The following ITSN2 variants were observed in gnomAD, a reference collection of about 807,000 sequenced individuals.
ITSN2 encodes intersectin-2.
Under a neutral mutation model 243.7 loss-of-function variants are expected in ITSN2, and 156 were observed. The observed-to-expected ratio is 0.64, with a 90% CI of 0.56 to 0.73. The LOEUF is 0.73. Among genes scored for constraint, ITSN2 ranks in the 30% least tolerant of loss-of-function variants. ITSN2 has a pLI of 0.00. For synonymous variants in ITSN2, 703 were observed against 699.9 expected (o/e 1.00, Z -0.07); for missense variants, 1,801 against 1,996.1 (o/e 0.90, Z 1.86).
intron 2 of ITSN2, among the ~76,000 whole-genome samples, chr2:24,318,975 G>A (rs542551758): frequency 3.3e-5 from 5 of 152,174 alleles, no homozygotes; most frequent in Admixed American, 3.3e-4. Context: ...CTGTGTGTGT[G>A]AGGGATCTGG....
At position 24,221,366 on chromosome 2, in the gene ITSN2, C is replaced by T. The variant is rs746466443; in HGVS notation, c.3578-300G>A. 2.7e-5 allele frequency: 8 copies of T among 291,350 alleles called. No individual in the cohort carries two copies. The East Asian group carries it at 4.1e-4, about 15-fold the overall frequency. The allele number at this position is 291,350 out of a possible 1,614,324, so 18.0% of individuals were successfully genotyped here. A position where few individuals can be genotyped will look rare whatever the true frequency, so the allele number is the denominator to read the frequency against. On this transcript the variant is annotated intron_variant, in intron 29 of 39. Transcript: ENST00000355123. ...AATCTCACCACCTCAAGACATTTTT[C>T]GAAGTTACTGAAATGATTAAATGAA...
At chr2:24,302,884 G>A (rs368958664) in intron 9 of ITSN2, among the ~76,000 whole-genome samples, 1 of 152,108 alleles carries the variant, frequency 6.6e-6, no homozygotes. Context: ...AGTCAACAAT[G>A]GACTGCATTT....
chr2:24,246,101 G>C, intron 29 of ITSN2, 28 bp downstream of exon 29: 3 of 1,520,254 alleles, frequency 2.0e-6, no homozygotes, highest in African/African-American at 2.8e-5. Context: ...CACACTAGGT[G>C]AGAGAAAAAT....
chr2:24,334,840 G>A, intron 1 of ITSN2: 2 of 745,750 alleles, frequency 2.7e-6, no homozygotes, highest in South Asian at 1.5e-5. Context: ...GAGGCGGGCG[G>A]ATCACGAGGT....
chr2:24,358,571 ACT>A (rs1688668945), intron 1 of ITSN2, among the ~76,000 whole-genome samples: 1 of 152,166 alleles, frequency 6.6e-6, no homozygotes, highest in Admixed American at 6.5e-5. Context: ...AATTTGTGAA[ACT>A]CTACATTAAA....
chr2:24,270,682 C>A lies in ITSN2; in HGVS notation c.2344G>T (p.Asp782Tyr). 1 of 1,559,724 alleles carries A rather than the reference C, an allele frequency of 6.4e-7. No individual in the cohort carries two copies. Among genetic ancestry groups the A allele is most frequent in the Non-Finnish European group, 8.8e-7 (1 of 1,135,120 alleles). The part of the protein sequence containing the change: ...NHDEMSFNSG[D>Y]IIQVDEKTVG... The stretch of plus-strand genomic sequence containing the variant: ...AATTCATTTCCTACCTGAATTATAT[C>A]TCCAGAATTAAAACTCATCTCATCA... Residue 782 changes from aspartate (D) to tyrosine (Y), a missense_variant, in exon 20 of 40, where the codon GAT becomes TAT. Physicochemically the swap from Asp to Tyr is radical, Grantham distance 160. Around this residue, in one of 5 missense-constraint regions of ITSN2, gnomAD observed 787 missense variants for 803.9 expected, o/e 0.98. Transcript: ENST00000355123.
chr2:24,271,963 T>C, intron 18 of ITSN2, 22 bp from the exon 19 acceptor site: 1 of 1,472,908 alleles, frequency 6.8e-7, no homozygotes, highest in Non-Finnish European at 9.1e-7. Context: ...AGAAAAAGAG[T>C]TTGTATAATG....
At chr2:24,227,770 T>A (rs1254403398) in intron 29 of ITSN2, among the ~76,000 whole-genome samples, 1 of 151,880 alleles carries the variant, frequency 6.6e-6, no homozygotes, top group Non-Finnish European at 1.5e-5. Context: ...ATACAAAAAA[T>A]TAGCGGGGCA....
intron 1 of ITSN2, among the ~76,000 whole-genome samples, chr2:24,339,059 T>G (rs1417857545): frequency 6.6e-6 from 1 of 152,026 alleles, no homozygotes; most frequent in Non-Finnish European, 1.5e-5. Flanking sequence ...AGAAAGGAAG[T>G]TTCTGAGCCT....
intron 29 of ITSN2, chr2:24,240,506 T>G (rs537395626): frequency 2.0e-5 from 3 of 152,320 alleles, no homozygotes; most frequent in East Asian, 3.9e-4. Context: ...AATAATGTGA[T>G]GTATTTTGGA....
intron 1 of ITSN2, among the ~76,000 whole-genome samples, chr2:24,340,327 A>G (rs559148494): frequency 6.6e-6 from 1 of 152,046 alleles, no homozygotes; most frequent in Non-Finnish European, 1.5e-5. Context: ...CTAAAAATAC[A>G]AAAATTAGCC....
rs1446278413 is a variant in ITSN2 at position 24,204,200 on chromosome 2, G to T, written c.4936+45C>A. ...CCCTAGATCTGGACTCCAGGATCTA[G>T]GAAACTGGGAAAGCCTTTAGATCCC... On this transcript the variant is annotated intron_variant, in intron 39 of 39. Transcript: ENST00000355123. This position sits in a 1 kb window ranked among gnomAD's most constrained non-coding sequence, Gnocchi z 5.1. The T allele has an allele frequency of 1.2e-6, 2 of 1,600,520 alleles. No individual in the cohort carries two copies. Among genetic ancestry groups the T allele is most frequent in the South Asian group, 1.1e-5 (1 of 90,540 alleles).
chr2:24,220,629 T>C lies in ITSN2; in HGVS notation c.3699+316A>G, dbSNP rs1670351689. On this transcript the variant is annotated intron_variant, in intron 30 of 39. Coordinates refer to ENST00000355123, the MANE Select transcript of ITSN2 (RefSeq NM_006277.3). Reference sequence around the variant, plus strand: ...TGCCATAGGCCCTTCCCATCCACTCTATCCCCGTCCTTCCTTGATGGGGCT... The same window carrying C: ...TGCCATAGGCCCTTCCCATCCACTCCATCCCCGTCCTTCCTTGATGGGGCT... 4.1e-6 allele frequency: 5 copies of C among 1,219,168 alleles called. No individual in the cohort carries two copies. The South Asian group carries it at 1.6e-4, about 38-fold the overall frequency. The allele number at this position is 1,219,168 out of a possible 1,614,324, so 75.5% of individuals were successfully genotyped here. A position where few individuals can be genotyped will look rare whatever the true frequency, so the allele number is the denominator to read the frequency against.
At chr2:24,301,046 T>C (rs1681657838) in intron 11 of ITSN2, 108 bp downstream of exon 11, 2 of 601,000 alleles carry the variant, frequency 3.3e-6, no homozygotes, top group Non-Finnish European at 5.7e-6. Flanking sequence ...TTTTCTCATA[T>C]AGCACATCAA....
Position 24,211,237 on chromosome 2 carries a change from C to T in ITSN2, c.4090-290G>A, listed in dbSNP as rs1558429686. The stretch of plus-strand genomic sequence containing the variant: ...TCTCCGACTGGCTCCCGGTAATAGG[C>T]GGGAGCCTCCCGACTCCTTCCGAAA... On this transcript the variant is annotated intron_variant, in intron 33 of 39. Transcript: ENST00000355123. This position sits in a 1 kb window ranked among gnomAD's most constrained non-coding sequence, Gnocchi z 4.1. Among the ~76,000 whole-genome samples the T allele has an allele frequency of 2.0e-5, 3 of 152,148 alleles. No individual in the cohort carries two copies. Among genetic ancestry groups the T allele is most frequent in the South Asian group, 4.1e-4 (2 of 4,832 alleles).
In ITSN2 at chr2:24,209,122, G is replaced by A. The variant is rs761779658; in HGVS notation, c.4573C>T (p.Arg1525Ter). The A allele has an allele frequency of 6.2e-6, 10 of 1,613,962 alleles. No homozygotes were observed. In the Admixed American group the frequency reaches 8.3e-5, roughly 13 times the overall value. ...ISHIDRVYTL[R>*]TDNINERTAW... ...GACCTCTCATTAATGTTGTCTGTTC[G>A]GAGGGTGTAGACCCGATCAATGTGG... The change falls in exon 36 of 40, where the codon CGA becomes TGA. Residue 1525 changes from arginine to a stop codon, truncating the protein, a stop_gained. Transcript: ENST00000355123. LOFTEE classifies it high-confidence loss of function.
At position 24,204,697 on chromosome 2, in the gene ITSN2, A is replaced by G. The variant is rs1558417730; in HGVS notation, c.4763-279T>C. 3.5e-6 allele frequency: 2 copies of G among 579,246 alleles called. No individual in the cohort carries two copies. Among genetic ancestry groups the G allele is most frequent in the Non-Finnish European group, 6.5e-6 (2 of 306,614 alleles). The allele number at this position is 579,246 out of a possible 1,614,324, so 35.9% of individuals were successfully genotyped here. A position where few individuals can be genotyped will look rare whatever the true frequency, so the allele number is the denominator to read the frequency against. ...GGTGAGTGTCACTGCAACCTGCTGC[A>G]TGCTTCCTCGGCGCAGACACACTCG... is the stretch of plus-strand genomic sequence containing the variant. On this transcript the variant is annotated intron_variant, in intron 38 of 39. Coordinates refer to ENST00000355123, the MANE Select transcript of ITSN2 (RefSeq NM_006277.3). The surrounding 1 kb of genome is among the most constrained non-coding windows in gnomAD (Gnocchi z 5.1).
Position 24,208,273 on chromosome 2 carries a change from C to T in ITSN2, c.4642G>A (p.Asp1548Asn), listed in dbSNP as rs370396104. The T allele has an allele frequency of 4.0e-5, 65 of 1,611,536 alleles. No homozygotes were observed. The highest frequency in any genetic ancestry group is 5.5e-5 in the South Asian group (5 of 90,944). ...KIKAASEQYI[D>N]TEKKKREKAY... ...TTCTCACGCTTCTTCTTCTCGGTGT[C>T]GATGTACTGCTCAGACGCCGCCTTG... Residue 1548 changes from aspartate (D) to asparagine (N), a missense_variant, in exon 37 of 40, where the codon GAC (aspartate) becomes AAC (asparagine). Physicochemically the swap from Asp to Asn is conservative, Grantham distance 23. Transcript: ENST00000355123.
chr2:24,334,619 G>A, intron 1 of ITSN2: 6 of 1,175,272 alleles, frequency 5.1e-6, no homozygotes, highest in South Asian at 4.8e-5. Context: ...TGTATGCCCA[G>A]GGAAAGTGGT....
Sources: allele counts gnomAD v4.1 joint callset (sites outside exome capture counted in the v4.1 genomes callset), GRCh38; gene constraint gnomAD v4.1.1; regional missense constraint gnomAD v4.1.1; non-coding constraint Gnocchi (gnomAD v3.1); transcripts MANE v1.5; gene names NCBI Gene and HGNC (gene_info 2026-07-23, HGNC 2026-07-21).